The following INPP4B variants were observed in gnomAD, a reference collection of about 807,000 sequenced individuals.
INPP4B encodes the protein inositol polyphosphate 4-phosphatase type II.
INPP4B carries 55 observed loss-of-function variants against 122.5 expected under a neutral mutation model. The observed-to-expected ratio is 0.45, with a 90% CI of 0.36 to 0.56. The LOEUF (loss-of-function observed/expected upper bound fraction) is 0.56, where lower values mean the gene tolerates loss of function less well. INPP4B is among the 20% of genes least tolerant of loss of function. INPP4B has a pLI of 0.00. For synonymous variants in INPP4B, 403 were observed against 388.7 expected, an observed-to-expected ratio of 1.04 and a Z score of -0.43; for missense variants, 1,000 against 1,097.7, an observed-to-expected ratio of 0.91 and a Z score of 1.26.
intron 12 of INPP4B, among the ~76,000 whole-genome samples, chr4:142,234,587 G>A (rs1413398238): frequency 6.6e-6 from 1 of 151,990 alleles, no homozygotes. Context: ...AACATTAATT[G>A]TTGAATTTTT....
At chr4:142,400,746 C>G (rs145984514) in intron 7 of INPP4B, among the ~76,000 whole-genome samples, 1 of 152,126 alleles carries the variant, frequency 6.6e-6, no homozygotes, top group East Asian at 1.9e-4. Context: ...CATACTTTTA[C>G]GCCATAACAC....
chr4:142,233,340 T>C (rs758677119), intron 12 of INPP4B, among the ~76,000 whole-genome samples: 2 of 152,202 alleles, frequency 1.3e-5, no homozygotes, highest in African/African-American at 2.4e-5. Context: ...ACAATTTAGA[T>C]AATATTTATG....
chr4:142,594,680 G>A (rs1738276563), intron 2 of INPP4B, among the ~76,000 whole-genome samples: 2 of 152,206 alleles, frequency 1.3e-5, no homozygotes, highest in South Asian at 2.1e-4. Context: ...ATGAGGCCGG[G>A]CATGGTGGCT....
chr4:142,303,941 A>C (rs1762432727), intron 9 of INPP4B, among the ~76,000 whole-genome samples: 1 of 152,118 alleles, frequency 6.6e-6, no homozygotes, highest in African/African-American at 2.4e-5. Flanking sequence ...AATTTTACTA[A>C]GAACTGCTTG....
At chr4:142,540,765 G>C (rs1384169162) in intron 2 of INPP4B, among the ~76,000 whole-genome samples, 2 of 152,004 alleles carry the variant, frequency 1.3e-5, no homozygotes, top group African/African-American at 4.8e-5. Context: ...GTGAGAGAGA[G>C]AGAAGGCATA....
intron 7 of INPP4B, among the ~76,000 whole-genome samples, chr4:142,398,388 A>AAAAAAAAAAAAAAT (rs1800137499): frequency 3.5e-5 from 1 of 28,236 alleles, no homozygotes; most frequent in Non-Finnish European, 7.2e-5. Flanking sequence ...AAAAAAAAAA[A>AAAAAAAAAAAAAAT]AAAAAAAAAA....
chr4:142,432,671 A>G (rs1376436803), intron 3 of INPP4B, among the ~76,000 whole-genome samples: 1 of 152,140 alleles, frequency 6.6e-6, no homozygotes, highest in Non-Finnish European at 1.5e-5. Context: ...CCAAAGACCT[A>G]TGACAAATGC....
chr4:142,455,801 T>C (rs909197394), intron 3 of INPP4B, among the ~76,000 whole-genome samples: 63 of 152,118 alleles, frequency 4.1e-4, no homozygotes, highest in African/African-American at 1.5e-3. Context: ...TTCTGCACAT[T>C]CTTGCCAGCA....
intron 7 of INPP4B, among the ~76,000 whole-genome samples, chr4:142,381,741 T>C (rs1340606243): frequency 6.6e-6 from 1 of 152,120 alleles, no homozygotes; most frequent in Admixed American, 6.6e-5. Flanking sequence ...TAATAAACTG[T>C]AATATTATTT....
intron 7 of INPP4B, among the ~76,000 whole-genome samples, chr4:142,378,420 A>G (rs2148816451): frequency 6.6e-6 from 1 of 152,264 alleles, no homozygotes; most frequent in Non-Finnish European, 1.5e-5. Flanking sequence ...CTTACAGTCT[A>G]TTGTAATAGC....
chr4:142,443,062 G>T (rs527547835), intron 3 of INPP4B, among the ~76,000 whole-genome samples: 57 of 152,236 alleles, frequency 3.7e-4, no homozygotes, highest in Non-Finnish European at 6.5e-4. Flanking sequence ...CTCTGCCCTT[G>T]ACACATAGGG....
chr4:142,180,672 C>T (rs913116106), intron 15 of INPP4B, among the ~76,000 whole-genome samples: 16 of 152,216 alleles, frequency 1.1e-4, no homozygotes, highest in Admixed American at 3.9e-4. Flanking sequence ...CAGGTTCAAA[C>T]CCGGGTTTTC....
At chr4:142,393,522 G>C (rs919031206) in intron 7 of INPP4B, among the ~76,000 whole-genome samples, 1 of 152,204 alleles carries the variant, frequency 6.6e-6, no homozygotes, top group South Asian at 2.1e-4. Flanking sequence ...ACTGGTAATA[G>C]TGACATTAAT....
At chr4:142,461,380 T>C (rs979497806) in intron 3 of INPP4B, among the ~76,000 whole-genome samples, 1 of 152,230 alleles carries the variant, frequency 6.6e-6, no homozygotes, top group Non-Finnish European at 1.5e-5. Context: ...GCAATTTGTG[T>C]AGTTTTTCTC....
Position 142,606,202 on chromosome 4 carries a change from T to A in INPP4B, c.-191+119637A>T, listed in dbSNP as rs935944070. On this transcript the variant is annotated intron_variant, in intron 2 of 25. Coordinates refer to ENST00000262992, the MANE Select transcript of INPP4B (RefSeq NM_001101669.3). The stretch of plus-strand genomic sequence containing the variant: ...TTGTGGGCACTAAAAAACTTTAATC[T>A]CATAGACATGGAGAATAGAACTAGA... 4.0e-5 allele frequency among the ~76,000 whole-genome samples: 6 copies of A among 151,606 alleles called. No individual in the cohort carries two copies. The East Asian group carries it at 1.2e-3, about 29-fold the overall frequency.
At chr4:142,233,491 C>T (rs80186477) in intron 12 of INPP4B, among the ~76,000 whole-genome samples, 15,284 of 151,986 alleles carry the variant, frequency 0.1, 863 homozygotes, top group Middle Eastern at 0.14. Context: ...TTTGGATTTC[C>T]AAGCATATAA....
intron 5 of INPP4B, among the ~76,000 whole-genome samples, chr4:142,422,728 T>C (rs1005096612): frequency 6.6e-6 from 1 of 152,014 alleles, no homozygotes; most frequent in Admixed American, 6.6e-5. Context: ...GTGGAAGGAT[T>C]GCTTCAGCCT....
intron 2 of INPP4B, among the ~76,000 whole-genome samples, chr4:142,597,943 A>T (rs1334113229): frequency 6.6e-6 from 1 of 152,220 alleles, no homozygotes; most frequent in Non-Finnish European, 1.5e-5. Flanking sequence ...AAACAAAAAA[A>T]TGAAGACAGT....
intron 9 of INPP4B, among the ~76,000 whole-genome samples, chr4:142,277,680 CAT>C (rs1223544986): frequency 2.8e-5 from 3 of 107,930 alleles, no homozygotes; most frequent in African/African-American, 9.2e-5. Context: ...CACACACACA[CAT>C]ACACACACAC....
Sources: allele counts gnomAD v4.1 joint callset (sites outside exome capture counted in the v4.1 genomes callset), GRCh38; gene constraint gnomAD v4.1.1; transcripts MANE v1.5; gene names NCBI Gene and HGNC (gene_info 2026-07-23, HGNC 2026-07-21).